The following ZNF461 variants were observed in gnomAD, a reference collection of about 807,000 sequenced individuals.
ZNF461 encodes the protein zinc finger protein 461, also known as gonadotropin-inducible ovarian transcription factor-1.
Under a neutral mutation model 18.3 loss-of-function variants are expected in ZNF461, and 16 were observed. The observed-to-expected ratio is 0.88, with a 90% CI of 0.59 to 1.33. The LOEUF (loss-of-function observed/expected upper bound fraction) is 1.33. Ranked by LOEUF, ZNF461 falls within the 40% of genes most tolerant of loss-of-function variation. ZNF461 has a pLI of 0.00. For synonymous variants in ZNF461, 179 were observed against 216.9 expected (o/e 0.83, Z 1.54); for missense variants, 595 against 669.9 (o/e 0.89, Z 1.23).
chr19:36,645,669 A>T (rs1200738550), intron 4 of ZNF461, among the ~76,000 whole-genome samples: 1 of 152,176 alleles, frequency 6.6e-6, no homozygotes, highest in Non-Finnish European at 1.5e-5. Flanking sequence ...TAACAAAAAA[A>T]CATGTACCTT....
At chr19:36,652,500 C>CAAA (rs74174423) in intron 4 of ZNF461, among the ~76,000 whole-genome samples, 3 of 92,036 alleles carry the variant, frequency 3.3e-5, no homozygotes, top group African/African-American at 7.8e-5. Context: ...GACTCCGTCT[C>CAAA]AAAAAAAAAA....
intron 2 of ZNF461, among the ~76,000 whole-genome samples, chr19:36,659,332 A>C (rs1319468693): frequency 1.3e-5 from 2 of 152,242 alleles, no homozygotes; most frequent in Admixed American, 1.3e-4. Context: ...GTGGATTTGC[A>C]AGCCCAACCA....
chr19:36,662,929 A>T (rs890122561), intron 2 of ZNF461, among the ~76,000 whole-genome samples: 1 of 152,106 alleles, frequency 6.6e-6, no homozygotes, highest in Non-Finnish European at 1.5e-5. Flanking sequence ...TAGTACTTCT[A>T]TTTCCTTATT....
At chr19:36,662,534 C>A (rs181249323) in intron 2 of ZNF461, among the ~76,000 whole-genome samples, 2 of 152,250 alleles carry the variant, frequency 1.3e-5, no homozygotes, top group African/African-American at 4.8e-5. Flanking sequence ...GGATTACAGG[C>A]ATGAGCCACT....
rs571913226 is a variant in ZNF461, at chr19:36,640,145, A to G, written c.302-102T>C. On this transcript the variant is annotated intron_variant, in intron 5 of 5. Coordinates refer to ENST00000588268, the MANE Select transcript of ZNF461 (RefSeq NM_153257.5). ...GATAACTGCAAATAATTCATATAAGAAATAAAAGGCTTGGAGAACTCTTAA... is the reference window on the plus strand; with the variant it reads ...GATAACTGCAAATAATTCATATAAGGAATAAAAGGCTTGGAGAACTCTTAA... 3 of 1,046,510 alleles carry G rather than the reference A, an allele frequency of 2.9e-6. No homozygotes were observed. In the East Asian group the frequency reaches 7.7e-5, roughly 27 times the overall value. 64.8% of individuals were successfully genotyped at this position (1,046,510 alleles called of 1,614,324 possible).
intron 4 of ZNF461, among the ~76,000 whole-genome samples, chr19:36,648,977 G>C (rs2037578135): frequency 6.6e-6 from 1 of 152,114 alleles, no homozygotes; most frequent in Admixed American, 6.6e-5. Context: ...GTATGGAGCA[G>C]ATCAGAATAG....
chr19:36,664,725 A>C lies in ZNF461; in HGVS notation c.-19T>G. 6.7e-7 allele frequency: 1 copy of C among 1,493,776 alleles called. No homozygotes were observed. Among genetic ancestry groups the C allele is most frequent in the Non-Finnish European group, 8.9e-7 (1 of 1,125,852 alleles). 92.5% of individuals were successfully genotyped at this position (1,493,776 alleles called of 1,614,324 possible). On this transcript the variant is annotated 5_prime_UTR_variant, in exon 2 of 6. Coordinates refer to ENST00000588268, the MANE Select transcript of ZNF461 (RefSeq NM_153257.5). ...GGGCCATGTCTTATTTTAGAATTGAATGTATTATTTAATCCTCTTCTTCGT... is the reference window on the plus strand; with the variant it reads ...GGGCCATGTCTTATTTTAGAATTGACTGTATTATTTAATCCTCTTCTTCGT...
At chr19:36,656,332 G>A in intron 4 of ZNF461, 116 bp downstream of exon 4, 1 of 838,378 alleles carries the variant, frequency 1.2e-6, no homozygotes, top group Non-Finnish European at 2.0e-6. Context: ...CTATATCTTT[G>A]TAATATGTTT....
At position 36,639,203 on chromosome 19, in the gene ZNF461, C is replaced by A. The variant is rs753497337; in HGVS notation, c.1142G>T (p.Gly381Val). 1 of 1,614,130 alleles carries A rather than the reference C, an allele frequency of 6.2e-7. No individual in the cohort carries two copies. The highest frequency in any genetic ancestry group is 8.5e-7 in the Non-Finnish European group (1 of 1,180,016). Residue 381 changes from glycine (G) to valine (V), a missense_variant, in exon 6 of 6, where the codon GGT becomes GTT. Physicochemically the swap from Gly to Val is moderately radical, Grantham distance 109. Transcript: ENST00000588268. Reference sequence around the variant, plus strand: ...TTCCCGACATTCATAGGGTTTCTCACCAGTATGAATTCTCTGATGTATAGT... The same window carrying A: ...TTCCCGACATTCATAGGGTTTCTCAACAGTATGAATTCTCTGATGTATAGT... ...HLTIHQRIHT[G>V]EKPYECRECG...
chr19:36,658,467 A>G (rs1297399468), intron 2 of ZNF461, 42 bp from the exon 3 acceptor site: 1 of 1,536,900 alleles, frequency 6.5e-7, no homozygotes, highest in Admixed American at 2.1e-5. Context: ...AATTATAAGA[A>G]ATGTTTTTAA....
At chr19:36,649,806 TC>T (rs200665433) in intron 4 of ZNF461, among the ~76,000 whole-genome samples, 1,528 of 152,316 alleles carry the variant, frequency 0.01, 33 homozygotes, top group African/African-American at 0.035. Context: ...TTTAATCGTT[TC>T]ACAACATATA....
In ZNF461 at chr19:36,637,201, T is replaced by C. The variant is rs966057076; in HGVS notation, c.*1452A>G. ...GGTTGTGTTTTGACAATTTTCTTTT[T>C]TTTTTTTCTTTTTGAGACAGAGTCT... On this transcript the variant is annotated 3_prime_UTR_variant, in exon 6 of 6. Transcript: ENST00000588268. 1.3e-5 allele frequency: 2 copies of C among 151,482 alleles called. No individual in the cohort carries two copies. The highest frequency in any genetic ancestry group is 4.8e-5 in the African/African-American group (2 of 41,470). 9.4% of individuals were successfully genotyped at this position (151,482 alleles called of 1,614,324 possible). A position where few individuals can be genotyped will look rare whatever the true frequency, so the allele number is the denominator to read the frequency against.
At chr19:36,656,280 C>T (rs1007941471) in intron 4 of ZNF461, among the ~76,000 whole-genome samples, 168 bp downstream of exon 4, 4 of 152,202 alleles carry the variant, frequency 2.6e-5, no homozygotes, top group South Asian at 2.1e-4. Flanking sequence ...CCACCGCGCC[C>T]GGCCTAGAAT....
intron 4 of ZNF461, 90 bp downstream of exon 4, chr19:36,656,358 C>CTGATTT: frequency 9.6e-7 from 1 of 1,040,550 alleles, no homozygotes; most frequent in Non-Finnish European, 1.5e-6. Context: ...TCAGGTTTTC[C>CTGATTT]CAAAGTTTGG....
intron 5 of ZNF461, chr19:36,643,131 CACAA>C (rs2037458318): frequency 6.6e-6 from 1 of 152,138 alleles, no homozygotes; most frequent in Non-Finnish European, 1.5e-5. Context: ...CAGATATAAA[CACAA>C]ACACACACTT....
At chr19:36,655,391 G>C (rs1449115364) in intron 4 of ZNF461, among the ~76,000 whole-genome samples, 1 of 152,128 alleles carries the variant, frequency 6.6e-6, no homozygotes, top group African/African-American at 2.4e-5. Flanking sequence ...ATTGCTTAAG[G>C]AGGTCGAGAC....
Position 36,658,200 on chromosome 19 carries a change from C to A in ZNF461, c.136+99G>T, listed in dbSNP as rs1241706221. On this transcript the variant is annotated intron_variant, in intron 3 of 5. Transcript: ENST00000588268. ...TCATCCAGTTATTTGAAAGCTAGCCCTAAATTAATAGGGGGGAAAGCAGAA... is the reference window on the plus strand; with the variant it reads ...TCATCCAGTTATTTGAAAGCTAGCCATAAATTAATAGGGGGGAAAGCAGAA... The A allele has an allele frequency of 5.3e-6, 7 of 1,316,722 alleles. No homozygotes were observed. In the African/African-American group the frequency reaches 6.0e-5, roughly 11 times the overall value. The allele number at this position is 1,316,722 out of a possible 1,614,324, so 81.6% of individuals were successfully genotyped here.
Position 36,643,869 on chromosome 19 carries a change from G to T in ZNF461, c.233-7C>A. The T allele has an allele frequency of 6.7e-7, 1 of 1,490,984 alleles. No individual in the cohort carries two copies. Among genetic ancestry groups the T allele is most frequent in the South Asian group, 1.3e-5 (1 of 77,110 alleles). The allele number at this position is 1,490,984 out of a possible 1,614,324, so 92.4% of individuals were successfully genotyped here. On this transcript the variant is annotated splice_region_variant and splice_polypyrimidine_tract_variant and intron_variant, in intron 4 of 5. Coordinates refer to ENST00000588268, the MANE Select transcript of ZNF461 (RefSeq NM_153257.5). ...CCCCAAGTTTTCCATGTACCTACATGGAAACAAAAGAATAAATACTTCATT... is the reference window on the plus strand; with the variant it reads ...CCCCAAGTTTTCCATGTACCTACATTGAAACAAAAGAATAAATACTTCATT...
chr19:36,659,250 C>T (rs1026375158), intron 2 of ZNF461, among the ~76,000 whole-genome samples: 1 of 152,154 alleles, frequency 6.6e-6, no homozygotes, highest in African/African-American at 2.4e-5. Flanking sequence ...TCATGTAGTT[C>T]CCAATCAGAC....
Sources: allele counts gnomAD v4.1 joint callset (sites outside exome capture counted in the v4.1 genomes callset), GRCh38; gene constraint gnomAD v4.1.1; transcripts MANE v1.5; gene names NCBI Gene and HGNC (gene_info 2026-07-23, HGNC 2026-07-21).